IGF2BP1: variants seen among roughly 807,000 people sequenced by gnomAD.
IGF2BP1 encodes the protein insulin-like growth factor 2 mRNA-binding protein 1.
IGF2BP1 carries 11 observed loss-of-function variants against 74.9 expected under a neutral mutation model. That is an observed-to-expected ratio of 0.15 (90% CI 0.09 to 0.24). IGF2BP1 has a LOEUF of 0.24. IGF2BP1 is among the 10% of genes least tolerant of loss of function. The pLI is 1.00. For synonymous variants in IGF2BP1, 287 were observed against 281.8 expected (o/e 1.02, Z -0.18); for missense variants, 440 against 757.4 (o/e 0.58, Z 4.92).
In IGF2BP1 at chr17:49,043,423, C is replaced by A. The variant is rs2042074629; in HGVS notation, c.1078-5C>A. On this transcript the variant is annotated splice_region_variant and splice_polypyrimidine_tract_variant and intron_variant, in intron 9 of 14. Coordinates refer to ENST00000290341, the MANE Select transcript of IGF2BP1 (RefSeq NM_006546.4). ...TGACTCTTCCTCCTCATCTTTCTTC[C>A]CCAGCTGCAGTCTCACCTGATCCCT... 1.2e-6 allele frequency: 2 copies of A among 1,613,630 alleles called. No individual in the cohort carries two copies. The highest frequency in any genetic ancestry group is 1.3e-5 in the African/African-American group (1 of 74,908).
chr17:49,015,634 A>AC (rs2041691205), intron 2 of IGF2BP1, among the ~76,000 whole-genome samples: 3 of 150,944 alleles, frequency 2.0e-5, no homozygotes, highest in African/African-American at 4.9e-5. Context: ...TACCCCAGGG[A>AC]CCCCCCATTC....
chr17:49,049,320 C>T, intron 14 of IGF2BP1, 32 bp from the exon 15 acceptor site: 1 of 1,603,500 alleles, frequency 6.2e-7, no homozygotes, highest in African/African-American at 1.3e-5. Flanking sequence ...TTGGAGGTCT[C>T]ACACCCACTC....
intron 2 of IGF2BP1, among the ~76,000 whole-genome samples, chr17:49,006,656 T>C (rs952986807): frequency 1.3e-5 from 2 of 152,088 alleles, no homozygotes; most frequent in Non-Finnish European, 2.9e-5. Flanking sequence ...CCATGAGAGG[T>C]TGTCTTTGAA....
intron 4 of IGF2BP1, among the ~76,000 whole-genome samples, chr17:49,026,739 GCCTGCCTT>G (rs796116756): frequency 0.024 from 2,625 of 110,086 alleles, 26 homozygotes; most frequent in East Asian, 0.034. Context: ...CTGCCTTCCT[GCCTGCCTT>G]CCTGCCTTCC....
At chr17:49,027,726 C>T (rs1297561530) in intron 4 of IGF2BP1, among the ~76,000 whole-genome samples, 3 of 151,742 alleles carry the variant, frequency 2.0e-5, no homozygotes, top group Admixed American at 2.0e-4. Context: ...GTGGCGGGCA[C>T]CTGTAATCCC....
chr17:49,016,537 G>A (rs893042874), intron 2 of IGF2BP1, among the ~76,000 whole-genome samples: 2 of 152,148 alleles, frequency 1.3e-5, no homozygotes, highest in Non-Finnish European at 2.9e-5. Flanking sequence ...AGCTCTTGGT[G>A]ACCTGCTTTT....
At chr17:49,046,054 G>A in intron 13 of IGF2BP1, 33 bp downstream of exon 13, 1 of 1,610,074 alleles carries the variant, frequency 6.2e-7, no homozygotes, top group Middle Eastern at 1.8e-4. Context: ...AAAGCCCTGG[G>A]CCTTGGTCTC....
chr17:49,047,345 A>G (rs34384585), intron 14 of IGF2BP1, among the ~76,000 whole-genome samples: 2 of 152,022 alleles, frequency 1.3e-5, no homozygotes, highest in South Asian at 4.2e-4. Context: ...ATATAAAATA[A>G]CAAAAAAGTA....
rs780628959 is a variant in IGF2BP1, at chr17:49,038,437, A to T, written c.671A>T (p.Gln224Leu). 1 of 1,536,880 alleles carries T rather than the reference A, an allele frequency of 6.5e-7. No homozygotes were observed. Among genetic ancestry groups the T allele is most frequent in the Non-Finnish European group, 8.8e-7 (1 of 1,138,204 alleles). Residue 224 changes from glutamine to leucine, a missense_variant, in exon 6 of 15, where the codon CAG (glutamine) becomes CTG (leucine). Around this residue, in one of 5 missense-constraint regions of IGF2BP1, gnomAD observed 184 missense variants for 273.4 expected, o/e 0.67. Transcript: ENST00000290341. ...EGATIRNITK[Q>L]TQSKIDVHRK... ...GCCACCATCCGCAACATCACAAAAC[A>T]GACCCAGTCCAAGTGAGTCTTGGCT... is the stretch of plus-strand genomic sequence containing the variant.
Position 49,049,541 on chromosome 17 carries a change from A to G in IGF2BP1, c.*97A>G, listed in dbSNP as rs1598162858. ...GCCTGAGAATGAGTGGGAATCCGGG[A>G]CACCTGGGCCGGGCTGTAGATCAGG... On this transcript the variant is annotated 3_prime_UTR_variant, in exon 15 of 15. Coordinates refer to ENST00000290341, the MANE Select transcript of IGF2BP1 (RefSeq NM_006546.4). 1.0e-6 allele frequency: 1 copy of G among 995,378 alleles called. No individual in the cohort carries two copies. Among genetic ancestry groups the G allele is most frequent in the Non-Finnish European group, 1.5e-6 (1 of 649,900 alleles). The allele number at this position is 995,378 out of a possible 1,614,324, so 61.7% of individuals were successfully genotyped here.
chr17:49,015,398 C>T (rs2041686154), intron 2 of IGF2BP1, among the ~76,000 whole-genome samples: 1 of 152,228 alleles, frequency 6.6e-6, no homozygotes, highest in African/African-American at 2.4e-5. Context: ...CCACCTTTCC[C>T]TCGGTCGGAG....
intron 2 of IGF2BP1, among the ~76,000 whole-genome samples, chr17:49,009,389 T>C (rs1567810537): frequency 6.6e-6 from 1 of 152,176 alleles, no homozygotes; most frequent in African/African-American, 2.4e-5. Flanking sequence ...TAGGTTTTTC[T>C]CTTTATCCTT....
chr17:49,029,856 C>T lies in IGF2BP1; in HGVS notation c.338-2054C>T, dbSNP rs141055329. ...GGTCTCCCTATGTTGCCAGGCTGGT[C>T]TCAAATTCCTGGCACCACCTTCTGA... On this transcript the variant is annotated intron_variant, in intron 4 of 14. Coordinates refer to ENST00000290341, the MANE Select transcript of IGF2BP1 (RefSeq NM_006546.4). Among the ~76,000 whole-genome samples the T allele has an allele frequency of 2.7e-4, 40 of 148,644 alleles. 1 individual carries two copies. The highest frequency in any genetic ancestry group is 7.7e-4 in the African/African-American group (31 of 40,262).
chr17:48,996,822 C>G (rs1472785887), upstream of IGF2BP1, among the ~76,000 whole-genome samples: 1 of 152,182 alleles, frequency 6.6e-6, no homozygotes, highest in South Asian at 2.1e-4. Context: ...GTCCTGCATC[C>G]CCGGAGGCGG....
In IGF2BP1 at chr17:49,053,864, T is replaced by C. The variant is rs773207248; in HGVS notation, c.*4420T>C. On this transcript the variant is annotated 3_prime_UTR_variant, in exon 15 of 15. Transcript: ENST00000290341. ...GTGTTTATGGGGAGATCCTAGTGGC[T>C]TTGCCATTCAAACCACTCGACTGTT... 6.6e-6 allele frequency: 1 copy of C among 152,654 alleles called. No homozygotes were observed. The highest frequency in any genetic ancestry group is 1.5e-5 in the Non-Finnish European group (1 of 68,040). 9.5% of individuals were successfully genotyped at this position (152,654 alleles called of 1,614,324 possible).
At chr17:49,039,068 G>A (rs1013247286) in intron 6 of IGF2BP1, among the ~76,000 whole-genome samples, 1 of 151,818 alleles carries the variant, frequency 6.6e-6, no homozygotes, top group Non-Finnish European at 1.5e-5. Flanking sequence ...AGTAGAGACA[G>A]GGTTTCACCA....
chr17:49,026,723 GCCTTCCTGCCTT>G (rs1422346083), intron 4 of IGF2BP1, among the ~76,000 whole-genome samples: 6 of 130,818 alleles, frequency 4.6e-5, no homozygotes, highest in Non-Finnish European at 4.9e-5. Context: ...CTTCCTGCCT[GCCTTCCTGCCTT>G]CCTGCCTGCC....
At chr17:49,039,856 C>A in intron 6 of IGF2BP1, 101 bp from the exon 7 acceptor site, 2 of 1,241,834 alleles carry the variant, frequency 1.6e-6, no homozygotes, top group South Asian at 1.4e-5. Flanking sequence ...TCAAGAAGAG[C>A]AGGTTCTATG....
At chr17:49,011,738 G>T (rs1291910601) in intron 2 of IGF2BP1, among the ~76,000 whole-genome samples, 1 of 151,854 alleles carries the variant, frequency 6.6e-6, no homozygotes, top group Admixed American at 6.6e-5. Context: ...CTCAGGTTGA[G>T]GTTTTCTTGA....
Sources: allele counts gnomAD v4.1 joint callset (sites outside exome capture counted in the v4.1 genomes callset), GRCh38; gene constraint gnomAD v4.1.1; regional missense constraint gnomAD v4.1.1; transcripts MANE v1.5; gene names NCBI Gene and HGNC (gene_info 2026-07-23, HGNC 2026-07-21).